The following ZEB2 variants were observed in gnomAD, a reference collection of about 807,000 sequenced individuals.
ZEB2 encodes the protein zinc finger E-box binding homeobox 2.
In ZEB2, 6 loss-of-function variants were observed where a neutral mutation model predicts 99.9. That is an observed-to-expected ratio of 0.06 (90% CI 0.03 to 0.12). ZEB2 has a LOEUF of 0.12. Ranked by LOEUF, ZEB2 falls within the 10% of genes least tolerant of loss-of-function variation. The probability of loss-of-function intolerance (pLI) is 1.00; values close to 1 mark genes in which losing one functional copy is unlikely to be tolerated. For synonymous variants in ZEB2, 517 were observed against 542.5 expected, an observed-to-expected ratio of 0.95 and a Z score of 0.65; for missense variants, 969 against 1,502.8, an observed-to-expected ratio of 0.64 and a Z score of 5.87.
intron 2 of ZEB2, among the ~76,000 whole-genome samples, chr2:144,505,182 T>G (rs1704935739): frequency 6.6e-6 from 1 of 152,034 alleles, no homozygotes; most frequent in Non-Finnish European, 1.5e-5. Flanking sequence ...GACTATACAT[T>G]TGAAATGTTA....
At chr2:144,417,579 A>T (rs527905006) in intron 4 of ZEB2, among the ~76,000 whole-genome samples, 3 of 152,256 alleles carry the variant, frequency 2.0e-5, no homozygotes, top group African/African-American at 7.2e-5. Context: ...AAATGACATG[A>T]TTTCATTATT....
chr2:144,411,978 T>C (rs926984161), intron 4 of ZEB2, among the ~76,000 whole-genome samples: 1 of 152,212 alleles, frequency 6.6e-6, no homozygotes, highest in Non-Finnish European at 1.5e-5. Context: ...TTTTAAAAAT[T>C]CCCAAGATAG....
chr2:144,390,100 C>T, intron 9 of ZEB2, 72 bp from the exon 10 acceptor site: 4 of 1,491,364 alleles, frequency 2.7e-6, no homozygotes, highest in East Asian at 2.3e-5. Context: ...ATTCTGTACG[C>T]GAGTCCAGAC....
At chr2:144,411,099 A>ATATG (rs1348877900) in intron 4 of ZEB2, among the ~76,000 whole-genome samples, 11 of 90,112 alleles carry the variant, frequency 1.2e-4, no homozygotes, top group African/African-American at 4.2e-4. Flanking sequence ...ATATATATAT[A>ATATG]TGTATAATAG....
intron 2 of ZEB2, among the ~76,000 whole-genome samples, chr2:144,487,151 C>CT (rs200645325): frequency 1.9e-4 from 28 of 148,094 alleles, no homozygotes; most frequent in East Asian, 5.9e-4. Flanking sequence ...TATCTCTCTG[C>CT]TTTTTTTTTT....
At chr2:144,425,472 C>T (rs1482898226) in intron 3 of ZEB2, among the ~76,000 whole-genome samples, 1 of 152,156 alleles carries the variant, frequency 6.6e-6, no homozygotes, top group Non-Finnish European at 1.5e-5. Context: ...TATTCCTATC[C>T]CAACTACTCC....
intron 2 of ZEB2, among the ~76,000 whole-genome samples, chr2:144,441,164 C>CAAGAGAGAGAGAGAGAGAGAGAGAGA (rs745749103): frequency 3.4e-5 from 3 of 88,924 alleles, no homozygotes; most frequent in African/African-American, 1.3e-4. Context: ...TTTAGCTGCA[C>CAAGAGAGAGAGAGAGAGAGAGAGAGA]GAGAGAGAGA....
At chr2:144,476,197 AT>A (rs560863575) in intron 2 of ZEB2, among the ~76,000 whole-genome samples, 131 of 151,178 alleles carry the variant, frequency 8.7e-4, no homozygotes, top group African/African-American at 3.1e-3. Context: ...TGTAGTTCTC[AT>A]TTGCGCCATT....
At chr2:144,518,174 T>C (rs1486564441) in intron 1 of ZEB2, 2 of 142,950 alleles carry the variant, frequency 1.4e-5, no homozygotes, top group Non-Finnish European at 3.0e-5. Flanking sequence ...TTCCCTTAAA[T>C]AGTTCCAGTA....
chr2:144,511,137 G>A (rs974662347), intron 2 of ZEB2, among the ~76,000 whole-genome samples: 5 of 152,124 alleles, frequency 3.3e-5, no homozygotes, highest in Admixed American at 2.6e-4. Flanking sequence ...TGGACCACAC[G>A]CGAAATCAGA....
chr2:144,518,221 T>A (rs1310576228), intron 1 of ZEB2: 1 of 152,030 alleles, frequency 6.6e-6, no homozygotes, highest in Non-Finnish European at 1.5e-5. Flanking sequence ...AAAGAGAAAG[T>A]CCAACCACTA....
chr2:144,403,963 T>C lies in ZEB2; in HGVS notation c.760A>G (p.Thr254Ala). ...GTCACCATATGCCGCTCGAGCTGGG[T>C]GCGGTAGGCAAACGTGTAGCTACAG... ...PLCSYTFAYR[T>A]QLERHMVTHK... Residue 254 changes from threonine to alanine, a missense_variant, in exon 6 of 10, where the codon ACC becomes GCC. Around this residue, in one of 8 missense-constraint regions of ZEB2, gnomAD observed 65 missense variants for 147.7 expected, o/e 0.44. Transcript: ENST00000627532. 1 of 1,614,124 alleles carries C rather than the reference T, an allele frequency of 6.2e-7. No homozygotes were observed. The highest frequency in any genetic ancestry group is 8.5e-7 in the Non-Finnish European group (1 of 1,180,026).
intron 2 of ZEB2, among the ~76,000 whole-genome samples, chr2:144,440,898 T>C (rs917998581): frequency 6.6e-6 from 1 of 151,582 alleles, no homozygotes; most frequent in African/African-American, 2.4e-5. Context: ...GTTCAAATAA[T>C]TGGGGGTTGG....
chr2:144,433,187 TAG>T (rs953878067), intron 2 of ZEB2, among the ~76,000 whole-genome samples: 1 of 152,124 alleles, frequency 6.6e-6, no homozygotes, highest in Admixed American at 6.6e-5. Context: ...TGGCTCAAAA[TAG>T]ACACTAATTT....
At chr2:144,401,010 C>A (rs897400521) in intron 7 of ZEB2, among the ~76,000 whole-genome samples, 189 bp downstream of exon 7, 5 of 152,192 alleles carry the variant, frequency 3.3e-5, no homozygotes, top group African/African-American at 1.2e-4. Context: ...CATTCTGCTT[C>A]TTTTTATAAG....
chr2:144,393,352 T>C (rs534498064), intron 9 of ZEB2, among the ~76,000 whole-genome samples: 1 of 152,356 alleles, frequency 6.6e-6, no homozygotes, highest in Middle Eastern at 3.4e-3. Flanking sequence ...AAGTAGCTCA[T>C]AATTTCCTTC....
rs1012243678 is a variant in ZEB2, at chr2:144,388,972, A to C, written c.*479T>G. The stretch of plus-strand genomic sequence containing the variant: ...TGGGAAATTGATGAATAGCGAAAGG[A>C]AAGTACAGAGGAATCATAATACTGA... On this transcript the variant is annotated 3_prime_UTR_variant, in exon 10 of 10. Transcript: ENST00000627532. This position sits in a 1 kb window ranked among gnomAD's most constrained non-coding sequence, Gnocchi z 5.4. The C allele has an allele frequency of 4.4e-6, 2 of 453,356 alleles. No homozygotes were observed. The highest frequency in any genetic ancestry group is 8.6e-6 in the Non-Finnish European group (2 of 232,066). The allele number at this position is 453,356 out of a possible 1,614,324, so 28.1% of individuals were successfully genotyped here.
At chr2:144,421,874 A>G (rs1427933618) in intron 4 of ZEB2, among the ~76,000 whole-genome samples, 2 of 152,130 alleles carry the variant, frequency 1.3e-5, no homozygotes, top group Non-Finnish European at 2.9e-5. Flanking sequence ...TCCAAAGGAC[A>G]TTCCTATATT....
chr2:144,438,611 G>C (rs1277667739), intron 2 of ZEB2, among the ~76,000 whole-genome samples: 1 of 152,110 alleles, frequency 6.6e-6, no homozygotes, highest in African/African-American at 2.4e-5. Context: ...TTACCCCAAA[G>C]AAATGCCTGA....
Sources: allele counts gnomAD v4.1 joint callset (sites outside exome capture counted in the v4.1 genomes callset), GRCh38; gene constraint gnomAD v4.1.1; regional missense constraint gnomAD v4.1.1; non-coding constraint Gnocchi (gnomAD v3.1); transcripts MANE v1.5; gene names NCBI Gene and HGNC (gene_info 2026-07-23, HGNC 2026-07-21).